GRIP1: variants seen among roughly 807,000 people sequenced by gnomAD.
The protein encoded by GRIP1 is glutamate receptor interacting protein 1, also known as glutamate receptor-interacting protein 1.
A neutral mutation model predicts 129.9 loss-of-function variants in GRIP1; 45 were observed. That is an observed-to-expected ratio of 0.35 (90% CI 0.27 to 0.44). The LOEUF (loss-of-function observed/expected upper bound fraction) is 0.44, where lower values mean the gene tolerates loss of function less well. GRIP1 is among the 20% of genes least tolerant of loss of function. The pLI is 1.00. For synonymous variants in GRIP1, 530 were observed against 520.8 expected, an observed-to-expected ratio of 1.02 and a Z score of -0.24; for missense variants, 1,196 against 1,396.8, an observed-to-expected ratio of 0.86 and a Z score of 2.29.
chr12:66,516,532 CT>C (rs763155589), intron 6 of GRIP1, among the ~76,000 whole-genome samples: 1 of 152,108 alleles, frequency 6.6e-6, no homozygotes, highest in Non-Finnish European at 1.5e-5. Context: ...CTCTCTAAGT[CT>C]TTTGGCTCCA....
intron 1 of GRIP1, among the ~76,000 whole-genome samples, chr12:66,954,241 A>C (rs1269577702): frequency 6.6e-6 from 1 of 152,202 alleles, no homozygotes; most frequent in Non-Finnish European, 1.5e-5. Flanking sequence ...ATCTTCTAAG[A>C]ACAACTTTGT....
intron 1 of GRIP1, among the ~76,000 whole-genome samples, chr12:66,668,986 A>G (rs2033937636): frequency 1.3e-5 from 2 of 152,240 alleles, no homozygotes; most frequent in African/African-American, 2.4e-5. Flanking sequence ...GATCTTCAGA[A>G]TATTCCTGGA....
rs746870204 is a variant in GRIP1 at position 66,349,195 on chromosome 12, T to G, written c.3211A>C (p.Ile1071Leu). Residue 1071 changes from isoleucine to leucine, a missense_variant, in exon 25 of 25, where the codon ATA (isoleucine) becomes CTA (leucine). By Grantham distance (5) the Ile-to-Leu change is conservative. Around this residue, in one of 5 missense-constraint regions of GRIP1, gnomAD observed 427 missense variants for 463.3 expected, o/e 0.92. Transcript: ENST00000359742. Reference protein sequence around the residue: ...DFDCCLVVPLIAESGNKLDLV... With the variant: ...DFDCCLVVPLLAESGNKLDLV... Reference sequence around the variant, plus strand: ...TCCAGCTTATTCCCGGATTCTGCTATGAGGGGCACAACAAGGCAGCAGTCA... The same window carrying G: ...TCCAGCTTATTCCCGGATTCTGCTAGGAGGGGCACAACAAGGCAGCAGTCA... 1 of 1,614,136 alleles carries G rather than the reference T, an allele frequency of 6.2e-7. No individual in the cohort carries two copies. Among genetic ancestry groups the G allele is most frequent in the Non-Finnish European group, 8.5e-7 (1 of 1,180,010 alleles).
chr12:66,996,041 A>G (rs2042461810), intron 1 of GRIP1, among the ~76,000 whole-genome samples: 4 of 152,230 alleles, frequency 2.6e-5, no homozygotes, highest in Admixed American at 6.5e-5. Context: ...CAGTTAAAAA[A>G]GACCACATAT....
chr12:66,594,067 CAAAA>C (rs10661389), intron 2 of GRIP1, among the ~76,000 whole-genome samples: 1 of 52,932 alleles, frequency 1.9e-5, no homozygotes, highest in Middle Eastern at 0.012. Context: ...GACTCCGTCT[CAAAA>C]AAAAAAAAAA....
At chr12:66,718,829 G>A (rs1321723176) in intron 1 of GRIP1, among the ~76,000 whole-genome samples, 2 of 151,858 alleles carry the variant, frequency 1.3e-5, no homozygotes, top group African/African-American at 2.4e-5. Context: ...TCCAGCCTGG[G>A]CAAAAAGAGT....
At chr12:66,566,780 T>C (rs147158056) in intron 2 of GRIP1, among the ~76,000 whole-genome samples, 168 of 152,354 alleles carry the variant, frequency 1.1e-3, no homozygotes, top group African/African-American at 4.0e-3. Context: ...TTTTGGTTGG[T>C]AAGCTATTAA....
At chr12:66,774,415 T>C (rs560836188) in intron 1 of GRIP1, among the ~76,000 whole-genome samples, 2 of 152,320 alleles carry the variant, frequency 1.3e-5, no homozygotes, top group South Asian at 2.1e-4. Context: ...ACTGAATTAA[T>C]GTGTTAAGAA....
intron 2 of GRIP1, among the ~76,000 whole-genome samples, chr12:66,590,799 G>A (rs764987640): frequency 1.3e-5 from 2 of 152,204 alleles, no homozygotes; most frequent in Non-Finnish European, 2.9e-5. Context: ...TTGGGCAGCA[G>A]GCATTTTGTT....
At chr12:66,719,978 A>G (rs2036010655) in intron 1 of GRIP1, among the ~76,000 whole-genome samples, 2 of 152,208 alleles carry the variant, frequency 1.3e-5, no homozygotes, top group Non-Finnish European at 2.9e-5. Context: ...ACATGTAGAG[A>G]AAGTTAAAAT....
intron 1 of GRIP1, among the ~76,000 whole-genome samples, chr12:66,859,069 C>T (rs2040055241): frequency 6.6e-6 from 1 of 151,736 alleles, no homozygotes; most frequent in African/African-American, 2.4e-5. Context: ...CTAACAATTT[C>T]TACCATACCC....
At chr12:66,423,544 G>C (rs1035819536) in intron 14 of GRIP1, among the ~76,000 whole-genome samples, 1 of 152,176 alleles carries the variant, frequency 6.6e-6, no homozygotes, top group African/African-American at 2.4e-5. Context: ...TTCACTGAGT[G>C]CTTGGAATTT....
At chr12:66,850,795 A>G (rs1217288639) in intron 1 of GRIP1, among the ~76,000 whole-genome samples, 1 of 151,720 alleles carries the variant, frequency 6.6e-6, no homozygotes, top group Non-Finnish European at 1.5e-5. Context: ...ACATACACAC[A>G]CGGCTAATAT....
At chr12:66,759,258 C>T (rs2037395919) in intron 1 of GRIP1, among the ~76,000 whole-genome samples, 1 of 152,226 alleles carries the variant, frequency 6.6e-6, no homozygotes, top group South Asian at 2.1e-4. Context: ...GACTTCCATC[C>T]TCTGAAGCCA....
At chr12:66,420,223 A>C (rs1290990460) in intron 15 of GRIP1, among the ~76,000 whole-genome samples, 1 of 152,206 alleles carries the variant, frequency 6.6e-6, no homozygotes, top group Non-Finnish European at 1.5e-5. Context: ...ATCATTTAAA[A>C]ATATTTTTAT....
chr12:66,854,321 T>C (rs2039965571), intron 1 of GRIP1, among the ~76,000 whole-genome samples: 1 of 9,518 alleles, frequency 1.1e-4, no homozygotes, highest in Admixed American at 2.6e-3. Flanking sequence ...GGTGACTGAT[T>C]ACAAAGATGA....
intron 8 of GRIP1, 121 bp from the exon 9 acceptor site, chr12:66,463,214 GT>G: frequency 1.1e-6 from 1 of 903,450 alleles, no homozygotes. Context: ...GAAAAGAAAA[GT>G]TTGAGTGTTA....
At chr12:66,965,955 T>C (rs951234569) in intron 1 of GRIP1, among the ~76,000 whole-genome samples, 5 of 152,212 alleles carry the variant, frequency 3.3e-5, no homozygotes, top group African/African-American at 9.6e-5. Flanking sequence ...CACACTGTGA[T>C]GACAAAATGA....
intron 8 of GRIP1, among the ~76,000 whole-genome samples, chr12:66,464,257 T>C (rs949896243): frequency 6.6e-6 from 1 of 152,244 alleles, no homozygotes; most frequent in African/African-American, 2.4e-5. Context: ...GATGAGGTTT[T>C]TCTTACCAGG....
Sources: allele counts gnomAD v4.1 joint callset (sites outside exome capture counted in the v4.1 genomes callset), GRCh38; gene constraint gnomAD v4.1.1; regional missense constraint gnomAD v4.1.1; transcripts MANE v1.5; gene names NCBI Gene and HGNC (gene_info 2026-07-23, HGNC 2026-07-21).